The following ADGRL3 variants were observed in gnomAD, a reference collection of about 807,000 sequenced individuals.
The protein encoded by ADGRL3 is calcium-independent alpha-latrotoxin receptor 3.
In ADGRL3, 62 loss-of-function variants were observed where a neutral mutation model predicts 153.5. The observed-to-expected ratio is 0.40, with a 90% CI of 0.33 to 0.50. ADGRL3 has a LOEUF of 0.50. Ranked by LOEUF, ADGRL3 falls within the 20% of genes least tolerant of loss-of-function variation. ADGRL3 has a pLI of 0.47. For synonymous variants in ADGRL3, 710 were observed against 672.5 expected, an observed-to-expected ratio of 1.06 and a Z score of -0.86; for missense variants, 1,641 against 1,859.4, an observed-to-expected ratio of 0.88 and a Z score of 2.16.
At chr4:61,229,644 A>C (rs1177508215) in intron 1 of ADGRL3, among the ~76,000 whole-genome samples, 2 of 152,142 alleles carry the variant, frequency 1.3e-5, no homozygotes. Context: ...TAGGCTGGGC[A>C]TGGTGGCTTA....
chr4:61,771,597 T>A (rs530908302), intron 8 of ADGRL3, among the ~76,000 whole-genome samples: 147 of 152,280 alleles, frequency 9.7e-4, no homozygotes, highest in African/African-American at 3.4e-3. Context: ...ATTAGTTATT[T>A]TTTTAGAGAT....
intron 8 of ADGRL3, among the ~76,000 whole-genome samples, chr4:61,785,814 A>G (rs984061852): frequency 6.6e-6 from 1 of 152,190 alleles, no homozygotes; most frequent in Non-Finnish European, 1.5e-5. Context: ...TTTCTTGCTA[A>G]GATTAATTTA....
chr4:61,245,887 TAGC>T (rs3065321), intron 1 of ADGRL3, among the ~76,000 whole-genome samples: 107,072 of 151,598 alleles, frequency 0.71, 38,106 homozygotes, highest in East Asian at 0.89. Flanking sequence ...TTCAGGCAGA[TAGC>T]AGCTGTCTGT....
intron 1 of ADGRL3, among the ~76,000 whole-genome samples, chr4:61,258,481 G>A (rs566856014): frequency 4.6e-5 from 7 of 152,284 alleles, no homozygotes; most frequent in African/African-American, 1.7e-4. Context: ...TTGCCTTCCT[G>A]ATTCTTTCCT....
At chr4:61,768,440 G>A (rs993047494) in intron 8 of ADGRL3, among the ~76,000 whole-genome samples, 2 of 151,742 alleles carry the variant, frequency 1.3e-5, no homozygotes, top group Non-Finnish European at 2.9e-5. Context: ...AAAGAAGGAA[G>A]ATTTGGGACG....
intron 5 of ADGRL3, among the ~76,000 whole-genome samples, chr4:61,603,815 C>T (rs2099021651): frequency 6.6e-6 from 1 of 152,036 alleles, no homozygotes; most frequent in Non-Finnish European, 1.5e-5. Context: ...GATTCCAAAT[C>T]TCAGAATCTT....
At chr4:61,580,353 TA>T (rs1300234675) in intron 4 of ADGRL3, among the ~76,000 whole-genome samples, 2 of 152,094 alleles carry the variant, frequency 1.3e-5, no homozygotes, top group Admixed American at 1.3e-4. Context: ...ACTGTTTCCA[TA>T]AAAAACTAAT....
chr4:61,397,765 G>A (rs911619125), intron 2 of ADGRL3, among the ~76,000 whole-genome samples: 25 of 151,812 alleles, frequency 1.6e-4, no homozygotes, highest in Non-Finnish European at 3.5e-4. Context: ...GCTGCAAAGG[G>A]TATGTTGAAC....
chr4:61,787,172 A>G (rs532550992), intron 8 of ADGRL3, among the ~76,000 whole-genome samples: 1 of 152,266 alleles, frequency 6.6e-6, no homozygotes, highest in African/African-American at 2.4e-5. Flanking sequence ...AGTCAATAAC[A>G]TCACAATTGA....
At chr4:61,450,593 G>A (rs918610999) in intron 2 of ADGRL3, among the ~76,000 whole-genome samples, 1 of 151,960 alleles carries the variant, frequency 6.6e-6, no homozygotes, top group South Asian at 2.1e-4. Context: ...TATTTGTTCT[G>A]TCTGCTTTTG....
chr4:61,262,380 A>G (rs2149614442), intron 1 of ADGRL3, among the ~76,000 whole-genome samples: 1 of 152,256 alleles, frequency 6.6e-6, no homozygotes, highest in South Asian at 2.1e-4. Context: ...TTTTCTCTCT[A>G]AGTGCTAATT....
intron 1 of ADGRL3, among the ~76,000 whole-genome samples, chr4:61,279,606 T>C (rs1186530068): frequency 6.6e-6 from 1 of 152,182 alleles, no homozygotes; most frequent in Non-Finnish European, 1.5e-5. Context: ...ATTCTATATG[T>C]ATAAAAGTGA....
chr4:61,491,473 A>G (rs2098257313), intron 2 of ADGRL3, among the ~76,000 whole-genome samples: 1 of 152,200 alleles, frequency 6.6e-6, no homozygotes, highest in Non-Finnish European at 1.5e-5. Context: ...ATGTGCACAC[A>G]AATCACGATT....
At chr4:61,965,545 T>C (rs970961667) in intron 17 of ADGRL3, among the ~76,000 whole-genome samples, 12 of 151,894 alleles carry the variant, frequency 7.9e-5, no homozygotes, top group Non-Finnish European at 1.3e-4. Context: ...GTCAGGAGAT[T>C]GAGACCATCC....
intron 21 of ADGRL3, among the ~76,000 whole-genome samples, chr4:62,005,358 G>T (rs934260390): frequency 4.6e-5 from 7 of 152,004 alleles, no homozygotes; most frequent in African/African-American, 1.7e-4. Flanking sequence ...ATATTTTGTC[G>T]ACTGGAAGCT....
chr4:61,281,136 G>T, intron 1 of ADGRL3, among the ~76,000 whole-genome samples: 1 of 151,666 alleles, frequency 6.6e-6, no homozygotes, highest in Admixed American at 6.6e-5. Context: ...GACAAATATT[G>T]CCTTATCATC....
At chr4:61,484,768 T>G (rs2098171089) in intron 2 of ADGRL3, among the ~76,000 whole-genome samples, 1 of 152,192 alleles carries the variant, frequency 6.6e-6, no homozygotes, top group African/African-American at 2.4e-5. Context: ...AGATTAAAAT[T>G]ACTTTCAGTA....
At chr4:61,836,801 A>G (rs899495459) in intron 9 of ADGRL3, among the ~76,000 whole-genome samples, 5 of 152,110 alleles carry the variant, frequency 3.3e-5, no homozygotes, top group Admixed American at 1.3e-4. Flanking sequence ...CGTCATGTAA[A>G]AACTTTGACT....
intron 1 of ADGRL3, among the ~76,000 whole-genome samples, chr4:61,258,674 C>A (rs2092233339): frequency 6.6e-6 from 1 of 152,174 alleles, no homozygotes; most frequent in South Asian, 2.1e-4. Context: ...TTATTATTGA[C>A]ACTTCTAAGG....
Sources: gnomAD v4.1 joint callset for allele counts (sites outside exome capture counted in the v4.1 genomes callset) on GRCh38, gnomAD v4.1.1 for gene constraint, MANE v1.5 for transcripts, NCBI Gene and HGNC (gene_info 2026-07-23, HGNC 2026-07-21) for gene names.